Variants in EFCAB6 observed in about 807,000 individuals in gnomAD.
EFCAB6 encodes the protein EF-hand calcium-binding domain-containing protein 6.
In EFCAB6, 156 loss-of-function variants were observed where a neutral mutation model predicts 169.8. The observed-to-expected ratio is 0.92, with a 90% CI of 0.81 to 1.05. EFCAB6 has a LOEUF of 1.05. Among genes scored for constraint, EFCAB6 ranks in the 50% least tolerant of loss-of-function variants. The pLI is 0.00. For missense variants in EFCAB6, 1,800 were observed against 1,829.1 expected, an observed-to-expected ratio of 0.98 and a Z score of 0.29; for synonymous variants, 698 against 676.4, an observed-to-expected ratio of 1.03 and a Z score of -0.50.
intron 20 of EFCAB6, among the ~76,000 whole-genome samples, chr22:43,624,844 G>A (rs2054386662): frequency 6.6e-6 from 1 of 152,164 alleles, no homozygotes; most frequent in Non-Finnish European, 1.5e-5. Flanking sequence ...ACAATAATAA[G>A]GTTGAGTCAT....
intron 26 of EFCAB6, among the ~76,000 whole-genome samples, chr22:43,569,477 T>C (rs2049689287): frequency 6.6e-6 from 1 of 152,162 alleles, no homozygotes; most frequent in Non-Finnish European, 1.5e-5. Flanking sequence ...TGCCTGGGCT[T>C]CCCCCAGGAG....
intron 12 of EFCAB6, among the ~76,000 whole-genome samples, chr22:43,680,697 CT>C (rs1302506855): frequency 6.6e-6 from 1 of 151,988 alleles, no homozygotes; most frequent in Non-Finnish European, 1.5e-5. Flanking sequence ...GTATTTTATT[CT>C]TTTTGATGCT....
chr22:43,742,926 A>G (rs761737522), intron 6 of EFCAB6, among the ~76,000 whole-genome samples: 31 of 152,292 alleles, frequency 2.0e-4, no homozygotes, highest in African/African-American at 7.5e-4. Context: ...CATGAGACCA[A>G]ACCCACTGGG....
chr22:43,772,957 T>C lies in EFCAB6; in HGVS notation c.286A>G (p.Arg96Gly). The change falls in exon 4 of 32, where the codon AGA (arginine) becomes GGA (glycine). Residue 96 changes from arginine (R) to glycine (G), a missense_variant. Physicochemically the swap from Arg to Gly is moderately radical, Grantham distance 125. Transcript: ENST00000262726. Reference protein sequence around the residue: ...QNLTVSKSELRRIITDFLMPL... With the variant: ...QNLTVSKSELGRIITDFLMPL... ...ATCAGGAAGTCTGTGATGATTCTTC[T>C]CAGTTCACTTTTTGACACAGTCAAG... 1 of 1,614,216 alleles carries C rather than the reference T, an allele frequency of 6.2e-7. No individual in the cohort carries two copies. The highest frequency in any genetic ancestry group is 8.5e-7 in the Non-Finnish European group (1 of 1,180,038).
At chr22:43,556,968 T>G (rs1023560589) in intron 26 of EFCAB6, among the ~76,000 whole-genome samples, 1 of 152,254 alleles carries the variant, frequency 6.6e-6, no homozygotes, top group African/African-American at 2.4e-5. Context: ...CTAAGGGATG[T>G]TGGCATCAAC....
intron 19 of EFCAB6, among the ~76,000 whole-genome samples, chr22:43,630,439 TC>T (rs1257195584): frequency 8.5e-5 from 13 of 152,238 alleles, no homozygotes; most frequent in Non-Finnish European, 1.9e-4. Flanking sequence ...TAGCCAAGCT[TC>T]ACTGATCGTA....
At chr22:43,591,703 C>T (rs1407011307) in intron 23 of EFCAB6, among the ~76,000 whole-genome samples, 1 of 152,206 alleles carries the variant, frequency 6.6e-6, no homozygotes, top group Non-Finnish European at 1.5e-5. Flanking sequence ...CAGCATCTTT[C>T]TGTCGCTCCC....
chr22:43,608,207 G>A (rs147539479), intron 22 of EFCAB6, among the ~76,000 whole-genome samples: 1 of 152,140 alleles, frequency 6.6e-6, no homozygotes, highest in African/African-American at 2.4e-5. Context: ...GAGCTCCCAG[G>A]TCCTTGGAAA....
chr22:43,727,320 C>CATG (rs1018937471), intron 8 of EFCAB6, among the ~76,000 whole-genome samples: 1 of 152,116 alleles, frequency 6.6e-6, no homozygotes, highest in African/African-American at 2.4e-5. Context: ...CCTAGCTGGT[C>CATG]ATGAGGCTGC....
intron 17 of EFCAB6, among the ~76,000 whole-genome samples, chr22:43,657,967 A>G (rs1213304881): frequency 1.3e-5 from 2 of 152,178 alleles, no homozygotes; most frequent in Non-Finnish European, 1.5e-5. Flanking sequence ...GGTGGCTCAC[A>G]TCTGTAATCC....
intron 2 of EFCAB6, among the ~76,000 whole-genome samples, chr22:43,806,277 T>G (rs1444581504): frequency 1.3e-5 from 2 of 151,858 alleles, no homozygotes; most frequent in Non-Finnish European, 2.9e-5. Flanking sequence ...TTTTTTTTTT[T>G]TTGAGAGGAG....
At chr22:43,666,194 C>G (rs978452757) in intron 17 of EFCAB6, among the ~76,000 whole-genome samples, 1 of 152,190 alleles carries the variant, frequency 6.6e-6, no homozygotes, top group African/African-American at 2.4e-5. Context: ...GCTCATACAA[C>G]AAAGGACCCT....
At chr22:43,700,204 T>G (rs73887392) in intron 10 of EFCAB6, among the ~76,000 whole-genome samples, 3,383 of 152,250 alleles carry the variant, frequency 0.022, 111 homozygotes, top group African/African-American at 0.078. Context: ...TTTTAAAGTC[T>G]AAAATATTAT....
At chr22:43,539,993 GC>G in intron 28 of EFCAB6, 133 bp downstream of exon 28, 1 of 919,006 alleles carries the variant, frequency 1.1e-6, no homozygotes, top group Non-Finnish European at 1.6e-6. Flanking sequence ...CCTTGCATGT[GC>G]CCCCACCCCA....
intron 12 of EFCAB6, among the ~76,000 whole-genome samples, chr22:43,682,757 C>T (rs1282650208): frequency 2.0e-5 from 3 of 152,126 alleles, no homozygotes; most frequent in African/African-American, 4.8e-5. Flanking sequence ...TATATATCGC[C>T]GAATCATTTA....
chr22:43,699,126 T>C (rs2058678865), intron 10 of EFCAB6, among the ~76,000 whole-genome samples: 1 of 152,206 alleles, frequency 6.6e-6, no homozygotes, highest in African/African-American at 2.4e-5. Context: ...TCTGTTCATC[T>C]AGATCCACTT....
chr22:43,765,207 T>C (rs2061289208), intron 5 of EFCAB6, 98 bp downstream of exon 5: 15 of 843,142 alleles, frequency 1.8e-5, no homozygotes, highest in Non-Finnish European at 2.9e-5. Flanking sequence ...ATCTTCCATA[T>C]ATAGCTGTTG....
At chr22:43,718,548 C>T (rs1569436095) in intron 8 of EFCAB6, among the ~76,000 whole-genome samples, 1 of 152,124 alleles carries the variant, frequency 6.6e-6, no homozygotes, top group Non-Finnish European at 1.5e-5. Context: ...TTTGGGAGGC[C>T]AAGACGGGCA....
chr22:43,677,347 C>G (rs2057802842), intron 13 of EFCAB6, among the ~76,000 whole-genome samples: 1 of 152,108 alleles, frequency 6.6e-6, no homozygotes, highest in African/African-American at 2.4e-5. Context: ...ACAAATACTC[C>G]TTTCAAAGAC....
Sources: allele counts gnomAD v4.1 joint callset (sites outside exome capture counted in the v4.1 genomes callset), GRCh38; gene constraint gnomAD v4.1.1; transcripts MANE v1.5; gene names NCBI Gene and HGNC (gene_info 2026-07-23, HGNC 2026-07-21).